The following HS6ST1 variants were observed in gnomAD, a reference collection of about 807,000 sequenced individuals.
HS6ST1 encodes heparan-sulfate 6-O-sulfotransferase 1.
HS6ST1 carries 3 observed loss-of-function variants against 25.2 expected under a neutral mutation model. The observed-to-expected ratio is 0.12, with a 90% CI of 0.05 to 0.31. HS6ST1 has a LOEUF of 0.31. HS6ST1 is among the 10% of genes least tolerant of loss of function. The pLI is 1.00. For missense variants in HS6ST1, 310 were observed against 609.6 expected (o/e 0.51, Z 5.18); for synonymous variants, 204 against 275.1 (o/e 0.74, Z 2.56).
intron 1 of HS6ST1, among the ~76,000 whole-genome samples, chr2:128,317,265 A>C (rs530893074): frequency 3.9e-5 from 6 of 152,066 alleles, no homozygotes; most frequent in Non-Finnish European, 8.8e-5. Context: ...GGGCTGGGGG[A>C]CCCCAGAGAA....
At chr2:128,283,232 G>A (rs1193237201) in intron 1 of HS6ST1, among the ~76,000 whole-genome samples, 1 of 152,188 alleles carries the variant, frequency 6.6e-6, no homozygotes, top group Admixed American at 6.5e-5. Context: ...GGGCTCTGGG[G>A]CACTGCACAG....
At chr2:128,295,969 TGA>T (rs1307242946) in intron 1 of HS6ST1, among the ~76,000 whole-genome samples, 63 of 152,354 alleles carry the variant, frequency 4.1e-4, no homozygotes, top group African/African-American at 1.5e-3. Flanking sequence ...GTGGCGACTC[TGA>T]GAGGTAATTA....
chr2:128,304,074 A>G (rs1237657190), intron 1 of HS6ST1, among the ~76,000 whole-genome samples: 1 of 152,190 alleles, frequency 6.6e-6, no homozygotes, highest in African/African-American at 2.4e-5. Context: ...CACAGCCCCC[A>G]GGTTCTCAGG....
chr2:128,270,509 C>A (rs1490748755), intron 1 of HS6ST1, among the ~76,000 whole-genome samples: 2 of 152,204 alleles, frequency 1.3e-5, no homozygotes, highest in East Asian at 1.9e-4. Flanking sequence ...GAGGGCGGGA[C>A]CTTCTTCAGG....
At chr2:128,289,949 A>G (rs1693927960) in intron 1 of HS6ST1, 1 of 152,264 alleles carries the variant, frequency 6.6e-6, no homozygotes, top group Non-Finnish European at 1.5e-5. Context: ...GTAGTTTAAA[A>G]TCTTCCTAAA....
At chr2:128,288,754 G>A (rs55827913) in intron 1 of HS6ST1, among the ~76,000 whole-genome samples, 29,898 of 151,976 alleles carry the variant, frequency 0.2, 4,207 homozygotes, top group East Asian at 0.76. Context: ...GGCCTGGGAG[G>A]CTCAGGGCCT....
At chr2:128,288,551 A>G (rs1693901453) in intron 1 of HS6ST1, among the ~76,000 whole-genome samples, 1 of 152,194 alleles carries the variant, frequency 6.6e-6, no homozygotes, top group African/African-American at 2.4e-5. Flanking sequence ...AACTCTGGAA[A>G]ACACATCAAC....
At chr2:128,308,804 C>G (rs1172462636) in intron 1 of HS6ST1, among the ~76,000 whole-genome samples, 1 of 152,240 alleles carries the variant, frequency 6.6e-6, no homozygotes, top group Non-Finnish European at 1.5e-5. Flanking sequence ...CCTGCACAGA[C>G]TTCAGCTGCT....
intron 1 of HS6ST1, among the ~76,000 whole-genome samples, chr2:128,312,329 C>A (rs904578911): frequency 6.6e-6 from 1 of 152,216 alleles, no homozygotes; most frequent in African/African-American, 2.4e-5. Flanking sequence ...GGCCTGACTT[C>A]CTTGTGTGGA....
chr2:128,308,464 C>T (rs929756976), intron 1 of HS6ST1, among the ~76,000 whole-genome samples: 2 of 152,218 alleles, frequency 1.3e-5, no homozygotes, highest in African/African-American at 4.8e-5. Flanking sequence ...CCTCTTGACC[C>T]TGGGTTCCTC....
intron 1 of HS6ST1, among the ~76,000 whole-genome samples, chr2:128,307,269 G>A (rs1045678014): frequency 1.3e-5 from 2 of 152,280 alleles, no homozygotes; most frequent in Admixed American, 6.5e-5. Flanking sequence ...GGGGGTGCAC[G>A]CTGCAGGGAG....
At position 128,268,274 on chromosome 2, in the gene HS6ST1, C is replaced by T. The variant is rs182882999; in HGVS notation, c.1124G>A (p.Arg375His). 201 of 1,612,444 alleles carry T rather than the reference C, an allele frequency of 1.2e-4. No individual in the cohort carries two copies. The African/African-American group carries it at 1.7e-3, about 13-fold the overall frequency. ...GGCCCGGTGCAGCAGACGCTCCTCG[C>T]GGCTCCTCAGGCGCTGCTCCCTGCG... is the stretch of plus-strand genomic sequence containing the variant. The part of the protein sequence containing the change: ...LERREQRLRS[R>H]EERLLHRAKE... The change falls in exon 2 of 2, where the codon CGC becomes CAC. Residue 375 changes from arginine to histidine, a missense_variant. Physicochemically the swap from Arg to His is conservative, Grantham distance 29. Transcript: ENST00000259241.
chr2:128,297,835 A>AAAAAC (rs1694063166), intron 1 of HS6ST1, among the ~76,000 whole-genome samples: 1 of 152,240 alleles, frequency 6.6e-6, no homozygotes, highest in African/African-American at 2.4e-5. Context: ...ACTCTGTTTC[A>AAAAAC]AAAACAAAAC....
intron 1 of HS6ST1, among the ~76,000 whole-genome samples, chr2:128,306,957 G>A (rs1418994361): frequency 6.6e-6 from 1 of 152,010 alleles, no homozygotes; most frequent in Non-Finnish European, 1.5e-5. Flanking sequence ...TCAGCTCTTT[G>A]GCCGGGCTTG....
At chr2:128,305,535 G>C (rs908797493) in intron 1 of HS6ST1, among the ~76,000 whole-genome samples, 1 of 152,254 alleles carries the variant, frequency 6.6e-6, no homozygotes, top group Admixed American at 6.5e-5. Flanking sequence ...CAGTGGGCGG[G>C]AAGGAAGGAG....
rs1041658164 is a variant in HS6ST1 at position 128,318,834 on chromosome 2, G to C, written c.-271C>G. ...AGCGCTCTCCGCGCCCCCAGCACCA[G>C]CCCGCTCCGCTCCACTCCGCGCCGA... On this transcript the variant is annotated 5_prime_UTR_variant, in exon 1 of 2. Coordinates refer to ENST00000259241, the MANE Select transcript of HS6ST1 (RefSeq NM_004807.3). The surrounding 1 kb of genome is among the most constrained non-coding windows in gnomAD (Gnocchi z 5.7). Among the ~76,000 whole-genome samples, 2 of 147,544 alleles carry C rather than the reference G, an allele frequency of 1.4e-5. No homozygotes were observed. Among genetic ancestry groups the C allele is most frequent in the African/African-American group, 2.4e-5 (1 of 40,852 alleles).
intron 1 of HS6ST1, chr2:128,290,250 G>A (rs972449137): frequency 1.3e-5 from 2 of 152,086 alleles, no homozygotes; most frequent in African/African-American, 4.8e-5. Flanking sequence ...CAAAGAAAGT[G>A]CTGGGCTATT....
chr2:128,313,786 G>A (rs1187904259), intron 1 of HS6ST1, among the ~76,000 whole-genome samples: 1 of 152,070 alleles, frequency 6.6e-6, no homozygotes, highest in East Asian at 1.9e-4. Flanking sequence ...GGAGTCCCCA[G>A]GCCCCAGTTT....
At chr2:128,283,185 T>G (rs534198760) in intron 1 of HS6ST1, among the ~76,000 whole-genome samples, 163 of 152,300 alleles carry the variant, frequency 1.1e-3, no homozygotes, top group Non-Finnish European at 1.7e-3. Flanking sequence ...AACACAGTGC[T>G]GGGGCAGTGT....
Sources: allele counts gnomAD v4.1 joint callset (sites outside exome capture counted in the v4.1 genomes callset), GRCh38; gene constraint gnomAD v4.1.1; non-coding constraint Gnocchi (gnomAD v3.1); transcripts MANE v1.5; gene names NCBI Gene and HGNC (gene_info 2026-07-23, HGNC 2026-07-21).